The following ZBTB20 variants were observed in gnomAD, a reference collection of about 807,000 sequenced individuals.
ZBTB20 encodes zinc finger and BTB domain-containing protein 20.
A neutral mutation model predicts 56.9 loss-of-function variants in ZBTB20; 9 were observed. That is an observed-to-expected ratio of 0.16 (90% CI 0.10 to 0.28). The LOEUF is 0.28. Among genes scored for constraint, ZBTB20 ranks in the 10% least tolerant of loss-of-function variants. ZBTB20 has a pLI of 1.00. For synonymous variants in ZBTB20, 417 were observed against 420.7 expected (o/e 0.99, Z 0.11); for missense variants, 655 against 1,003.0 (o/e 0.65, Z 4.69).
intron 7 of ZBTB20, among the ~76,000 whole-genome samples, chr3:114,482,663 T>C (rs1471931798): frequency 6.6e-6 from 1 of 152,182 alleles, no homozygotes; most frequent in Non-Finnish European, 1.5e-5. Context: ...TACATGGATG[T>C]ATGTGTGTGT....
At chr3:114,712,431 A>C (rs1471979933) in intron 5 of ZBTB20, among the ~76,000 whole-genome samples, 1 of 152,062 alleles carries the variant, frequency 6.6e-6, no homozygotes, top group Non-Finnish European at 1.5e-5. Flanking sequence ...CGGGCTGATC[A>C]CCTGAGGTCG....
At chr3:114,933,352 G>A (rs181562697) in intron 3 of ZBTB20, among the ~76,000 whole-genome samples, 1 of 152,206 alleles carries the variant, frequency 6.6e-6, no homozygotes. Flanking sequence ...GGGATACTCT[G>A]GAAAACAGTA....
chr3:115,070,825 A>G (rs2082384446), intron 2 of ZBTB20, among the ~76,000 whole-genome samples: 1 of 152,050 alleles, frequency 6.6e-6, no homozygotes, highest in African/African-American at 2.4e-5. Flanking sequence ...AAACTTTTAA[A>G]ATTAATAAAG....
intron 2 of ZBTB20, among the ~76,000 whole-genome samples, chr3:115,030,942 C>T (rs1308935002): frequency 6.6e-6 from 1 of 151,252 alleles, no homozygotes; most frequent in African/African-American, 2.4e-5. Context: ...TGGCTAAGTA[C>T]CCTAGTACTT....
At chr3:115,040,748 T>G (rs2081108855) in intron 2 of ZBTB20, among the ~76,000 whole-genome samples, 1 of 152,164 alleles carries the variant, frequency 6.6e-6, no homozygotes, top group Non-Finnish European at 1.5e-5. Flanking sequence ...ATTTGCATTT[T>G]AGACAATATA....
At chr3:114,506,632 T>C (rs2044648147) in intron 6 of ZBTB20, among the ~76,000 whole-genome samples, 1 of 152,200 alleles carries the variant, frequency 6.6e-6, no homozygotes, top group African/African-American at 2.4e-5. Context: ...ATTGTAGCTC[T>C]ATAAATTCCA....
intron 6 of ZBTB20, among the ~76,000 whole-genome samples, chr3:114,623,242 C>T (rs1019198227): frequency 5.3e-5 from 8 of 152,118 alleles, no homozygotes; most frequent in African/African-American, 1.9e-4. Context: ...ATGTGGAAGG[C>T]ACATTTTGGC....
intron 6 of ZBTB20, among the ~76,000 whole-genome samples, chr3:114,556,319 T>C (rs1015170015): frequency 6.6e-6 from 1 of 152,046 alleles, no homozygotes; most frequent in African/African-American, 2.4e-5. Flanking sequence ...ACATTTTCTA[T>C]GAAGTCACCT....
chr3:114,445,910 C>G (rs767287849), intron 7 of ZBTB20, among the ~76,000 whole-genome samples: 5 of 152,090 alleles, frequency 3.3e-5, no homozygotes, highest in Non-Finnish European at 5.9e-5. Context: ...AATTAACTGA[C>G]TTTCTAACTT....
intron 5 of ZBTB20, chr3:114,714,078 C>G (rs990460919): frequency 6.6e-6 from 1 of 152,604 alleles, no homozygotes; most frequent in Non-Finnish European, 1.5e-5. Flanking sequence ...AAATGTCACT[C>G]TAATATACTA....
chr3:114,828,123 G>A (rs1013204547), intron 4 of ZBTB20, among the ~76,000 whole-genome samples: 11 of 151,540 alleles, frequency 7.3e-5, no homozygotes, highest in Non-Finnish European at 1.5e-4. Context: ...TATACCTATT[G>A]GAAGAATTAT....
chr3:114,960,411 C>T lies in ZBTB20; in HGVS notation c.-456+13955G>A, dbSNP rs188201752. Reference sequence around the variant, plus strand: ...AGTAAAATATCAAACCACAGCATCACGGAATCCTAAAGAGCTGGGATGACT... The same window carrying T: ...AGTAAAATATCAAACCACAGCATCATGGAATCCTAAAGAGCTGGGATGACT... On this transcript the variant is annotated intron_variant, in intron 3 of 11. Coordinates refer to ENST00000675478, the MANE Select transcript of ZBTB20 (RefSeq NM_001348800.3). Among the ~76,000 whole-genome samples, 266 of 152,326 alleles carry T rather than the reference C, an allele frequency of 1.7e-3. 1 individual carries two copies. Among genetic ancestry groups the T allele is most frequent in the African/African-American group, 6.0e-3 (251 of 41,576 alleles).
chr3:114,515,013 G>T (rs1002754151), intron 6 of ZBTB20, among the ~76,000 whole-genome samples: 1 of 152,148 alleles, frequency 6.6e-6, no homozygotes, highest in Non-Finnish European at 1.5e-5. Context: ...GGTAATGACA[G>T]CTGCCTTAAA....
At chr3:115,095,867 C>T (rs1470052467) in intron 1 of ZBTB20, among the ~76,000 whole-genome samples, 1 of 152,108 alleles carries the variant, frequency 6.6e-6, no homozygotes, top group African/African-American at 2.4e-5. Context: ...TGCCTTCAGG[C>T]TTTTGGTAAA....
Position 114,350,440 on chromosome 3 carries a change from A to G in ZBTB20, c.1638T>C (p.Gly546=), listed in dbSNP as rs777884900. 6.2e-7 allele frequency: 1 copy of G among 1,613,876 alleles called. No individual in the cohort carries two copies. Among genetic ancestry groups the G allele is most frequent in the South Asian group, 1.1e-5 (1 of 91,058 alleles). Residue 546 remains glycine, a synonymous_variant, in exon 11 of 12, where the codon GGT becomes GGC. Transcript: ENST00000675478. ...QTQFVTVSQP[G]LSTFTAQLPA... is the part of the protein sequence containing the mutation. ...GCAGCTGTGCAGTAAAGGTCGACAG[A>G]CCGGGCTGGGACACTGTCACAAACT...
In ZBTB20 at chr3:115,024,434, C is replaced by T. The variant is rs78194595; in HGVS notation, c.-507+46785G>A. ...TTATACATCTGGTACTCAGAGACCT[C>T]TACGTTATTCCTTGGATTTTCCCCA... On this transcript the variant is annotated intron_variant, in intron 2 of 11. Transcript: ENST00000675478. Among the ~76,000 whole-genome samples the T allele has an allele frequency of 1.9e-3, 286 of 151,150 alleles. 4 individuals are homozygous for T. Among genetic ancestry groups the T allele is most frequent in the Admixed American group, 0.014 (207 of 15,088 alleles).
At chr3:114,559,513 T>A (rs1012493705) in intron 6 of ZBTB20, among the ~76,000 whole-genome samples, 2 of 152,008 alleles carry the variant, frequency 1.3e-5, no homozygotes, top group Non-Finnish European at 2.9e-5. Context: ...CTTGAGGGGG[T>A]TTGTGAATCC....
At chr3:114,721,855 G>A (rs1478989299) in intron 5 of ZBTB20, among the ~76,000 whole-genome samples, 1 of 152,154 alleles carries the variant, frequency 6.6e-6, no homozygotes, top group African/African-American at 2.4e-5. Flanking sequence ...TGAATAAAAA[G>A]AAGGAAATAA....
intron 1 of ZBTB20, among the ~76,000 whole-genome samples, chr3:115,093,718 T>C (rs546027738): frequency 3.3e-5 from 5 of 152,242 alleles, no homozygotes; most frequent in African/African-American, 1.2e-4. Flanking sequence ...ACTATAAAAA[T>C]CTGCTCACAA....
Sources: allele counts gnomAD v4.1 joint callset (sites outside exome capture counted in the v4.1 genomes callset), GRCh38; gene constraint gnomAD v4.1.1; transcripts MANE v1.5; gene names NCBI Gene and HGNC (gene_info 2026-07-23, HGNC 2026-07-21).